Variants in ZNF277 observed in about 807,000 individuals in gnomAD.
ZNF277 encodes the protein nuclear receptor-interacting factor 4.
ZNF277 carries 55 observed loss-of-function variants against 60.7 expected under a neutral mutation model. The ratio of observed to expected loss-of-function variants is 0.91; its 90% CI spans 0.73 to 1.13. ZNF277 has a LOEUF of 1.13. Among genes scored for constraint, ZNF277 ranks in the 50% most tolerant of loss-of-function variants. The pLI, the probability that ZNF277 is intolerant of heterozygous loss-of-function variation, is 0.00. For missense variants in ZNF277, 510 were observed against 523.0 expected (o/e 0.98, Z 0.24); for synonymous variants, 178 against 179.3 (o/e 0.99, Z 0.06).
chr7:112,232,238 A>T (rs1822359584), intron 1 of ZNF277, among the ~76,000 whole-genome samples: 1 of 152,050 alleles, frequency 6.6e-6, no homozygotes, highest in African/African-American at 2.4e-5. Flanking sequence ...AGGGGAAGAC[A>T]AACAGAAAGT....
chr7:112,272,802 A>G (rs1226477003), intron 1 of ZNF277, among the ~76,000 whole-genome samples: 1 of 152,106 alleles, frequency 6.6e-6, no homozygotes, highest in African/African-American at 2.4e-5. Context: ...CCTTATTTTT[A>G]GTATTTTGAG....
intron 1 of ZNF277, among the ~76,000 whole-genome samples, 189 bp downstream of exon 1, chr7:112,206,996 G>T (rs1203381315): frequency 6.6e-6 from 1 of 152,210 alleles, no homozygotes; most frequent in Non-Finnish European, 1.5e-5. Flanking sequence ...GGGGCTGCCC[G>T]GGGATGGCGG....
intron 1 of ZNF277, among the ~76,000 whole-genome samples, chr7:112,230,696 A>T (rs963632702): frequency 6.6e-5 from 10 of 152,198 alleles, no homozygotes; most frequent in African/African-American, 2.4e-4. Flanking sequence ...TTTCAGAGTC[A>T]TGCTTTTCTT....
chr7:112,299,551 T>G (rs1024826592), intron 4 of ZNF277, among the ~76,000 whole-genome samples: 1 of 152,214 alleles, frequency 6.6e-6, no homozygotes, highest in African/African-American at 2.4e-5. Flanking sequence ...GCCAGAGGGT[T>G]TTGAAGTCAC....
At chr7:112,285,434 A>ATT (rs397888986) in intron 1 of ZNF277, among the ~76,000 whole-genome samples, 5,257 of 127,428 alleles carry the variant, frequency 0.041, 279 homozygotes, top group African/African-American at 0.13. Flanking sequence ...AAAATAGGAA[A>ATT]TTTTTTTTTT....
intron 1 of ZNF277, among the ~76,000 whole-genome samples, chr7:112,243,308 A>G (rs544145222): frequency 6.6e-6 from 1 of 152,208 alleles, no homozygotes; most frequent in South Asian, 2.1e-4. Flanking sequence ...AGCAAATGCA[A>G]CAAAAACAAA....
At chr7:112,278,366 G>T (rs1489409191) in intron 1 of ZNF277, among the ~76,000 whole-genome samples, 1 of 152,088 alleles carries the variant, frequency 6.6e-6, no homozygotes, top group African/African-American at 2.4e-5. Context: ...AATCTGTGTT[G>T]GGGCCCTAGA....
At chr7:112,286,849 T>C in intron 1 of ZNF277, 24 bp from the exon 2 acceptor site, 1 of 1,356,328 alleles carries the variant, frequency 7.4e-7, no homozygotes, top group Non-Finnish European at 9.6e-7. Context: ...TTCTTTTTTT[T>C]TTTTTTTTTT....
At chr7:112,316,029 A>G (rs1421338583) in intron 4 of ZNF277, among the ~76,000 whole-genome samples, 1 of 152,162 alleles carries the variant, frequency 6.6e-6, no homozygotes, top group African/African-American at 2.4e-5. Flanking sequence ...GAAAAAATTA[A>G]AAGTGATATC....
At chr7:112,300,378 T>C (rs2117083820) in intron 4 of ZNF277, among the ~76,000 whole-genome samples, 1 of 152,346 alleles carries the variant, frequency 6.6e-6, no homozygotes, top group Admixed American at 6.5e-5. Context: ...TTCTTCCCTT[T>C]AGCTTCCTTT....
chr7:112,224,343 T>C (rs1299699705), intron 1 of ZNF277, among the ~76,000 whole-genome samples: 1 of 152,256 alleles, frequency 6.6e-6, no homozygotes, highest in East Asian at 1.9e-4. Flanking sequence ...AGTTTACAAA[T>C]TTGTGTTGGA....
At position 112,318,296 on chromosome 7, in the gene ZNF277, A is replaced by G. The variant is rs200006956; in HGVS notation, c.557+23A>G. 7.3e-5 allele frequency: 117 copies of G among 1,592,824 alleles called. 1 individual carries two copies. Among genetic ancestry groups the G allele is most frequent in the African/African-American group, 5.9e-4 (44 of 74,558 alleles). On this transcript the variant is annotated intron_variant, in intron 5 of 11. Coordinates refer to ENST00000361822, the MANE Select transcript of ZNF277 (RefSeq NM_021994.3). ...CAGGTTTGCCATTTTGCATCTTTAAATGTTACTGTTTTTAATCTGAAAACT... is the reference window on the plus strand; with the variant it reads ...CAGGTTTGCCATTTTGCATCTTTAAGTGTTACTGTTTTTAATCTGAAAACT...
chr7:112,206,876 C>G, intron 1 of ZNF277, 69 bp downstream of exon 1: 1 of 1,506,236 alleles, frequency 6.6e-7, no homozygotes, highest in Non-Finnish European at 9.1e-7. Context: ...TGCAACGGAC[C>G]TCTGGTCTGA....
chr7:112,310,821 G>T (rs1792714315), intron 4 of ZNF277, among the ~76,000 whole-genome samples: 2 of 152,176 alleles, frequency 1.3e-5, no homozygotes, highest in South Asian at 4.2e-4. Flanking sequence ...CCATGCTGCT[G>T]CCTTTAAGCT....
chr7:112,261,001 A>T (rs1791426256), intron 1 of ZNF277, among the ~76,000 whole-genome samples: 1 of 151,300 alleles, frequency 6.6e-6, no homozygotes, highest in Non-Finnish European at 1.5e-5. Context: ...GAAAGATCAG[A>T]ACTCACAACA....
At chr7:112,259,472 C>T (rs1236477532) in intron 1 of ZNF277, among the ~76,000 whole-genome samples, 1 of 152,096 alleles carries the variant, frequency 6.6e-6, no homozygotes, top group East Asian at 1.9e-4. Flanking sequence ...CAGATACTTC[C>T]CGAAGATTTC....
intron 4 of ZNF277, 68 bp downstream of exon 4, chr7:112,296,379 G>GT: frequency 1.1e-5 from 8 of 730,190 alleles, no homozygotes; most frequent in East Asian, 3.4e-5. Flanking sequence ...AAATCATATT[G>GT]GTTTTTTTTT....
rs117430811 is a variant in ZNF277 at position 112,314,519 on chromosome 7, G to A, written c.466-3663G>A. 2.6e-3 allele frequency among the ~76,000 whole-genome samples: 401 copies of A among 152,216 alleles called. 3 individuals are homozygous for A. Among genetic ancestry groups the A allele is most frequent in the Middle Eastern group, 0.024 (7 of 294 alleles). ...TAAAAACCTAGGTTAGAGGCCAGGC[G>A]CAGAGGCTCCCACCTATAAAGCCCA... On this transcript the variant is annotated intron_variant, in intron 4 of 11. Coordinates refer to ENST00000361822, the MANE Select transcript of ZNF277 (RefSeq NM_021994.3).
In ZNF277 at chr7:112,215,288, T is replaced by C. The variant is rs77052785; in HGVS notation, c.91+8481T>C. Among the ~76,000 whole-genome samples the C allele has an allele frequency of 3.6e-3, 555 of 152,316 alleles. 12 individuals are homozygous for C. In the East Asian group the frequency reaches 0.055, roughly 15 times the overall value. On this transcript the variant is annotated intron_variant, in intron 1 of 11. Transcript: ENST00000361822. The stretch of plus-strand genomic sequence containing the variant: ...ATGATTACAAACTAATCAAAGAACA[T>C]TAAAGCTGGAATCAAGACAAATCCC...
Sources: gnomAD v4.1 joint callset for allele counts (sites outside exome capture counted in the v4.1 genomes callset) on GRCh38, gnomAD v4.1.1 for gene constraint, MANE v1.5 for transcripts, NCBI Gene and HGNC (gene_info 2026-07-23, HGNC 2026-07-21) for gene names.